The following UNC5A variants were observed in gnomAD, a reference collection of about 807,000 sequenced individuals.
The protein encoded by UNC5A is netrin receptor UNC5A.
In UNC5A, 20 loss-of-function variants were observed where a neutral mutation model predicts 87.4. That is an observed-to-expected ratio of 0.23 (90% CI 0.16 to 0.33). The LOEUF (loss-of-function observed/expected upper bound fraction) is 0.33, where lower values mean the gene tolerates loss of function less well. UNC5A is among the 10% of genes least tolerant of loss of function. The pLI, the probability that UNC5A is intolerant of heterozygous loss-of-function variation, is 1.00. For synonymous variants in UNC5A, 438 were observed against 482.3 expected, an observed-to-expected ratio of 0.91 and a Z score of 1.20; for missense variants, 844 against 1,133.4, an observed-to-expected ratio of 0.74 and a Z score of 3.67.
chr5:176,837,041 T>C (rs1230039695), intron 1 of UNC5A, among the ~76,000 whole-genome samples: 1 of 152,188 alleles, frequency 6.6e-6, no homozygotes, highest in African/African-American at 2.4e-5. Context: ...TAGGAACAAC[T>C]TGTCCCTGTC....
At chr5:176,815,765 C>A (rs1295922404) in intron 1 of UNC5A, among the ~76,000 whole-genome samples, 1 of 152,190 alleles carries the variant, frequency 6.6e-6, no homozygotes, top group Non-Finnish European at 1.5e-5. Context: ...TTCCCACTGA[C>A]CCAGGCCCAG....
Position 176,874,101 on chromosome 5 carries a change from C to G in UNC5A, c.1020C>G (p.Asp340Glu), listed in dbSNP as rs770262371. The part of the protein sequence containing the change: ...KKEGLDSDVA[D>E]SSILTSGFQP... The stretch of plus-strand genomic sequence containing the variant: ...AGGGGCTGGACTCAGATGTGGCTGA[C>G]TCGTCCATTCTCACCTCAGGCTTCC... The change falls in exon 7 of 15, where the codon GAC becomes GAG. Residue 340 changes from aspartate (D) to glutamate (E), a missense_variant. Physicochemically the swap from Asp to Glu is conservative, Grantham distance 45. Around this residue, in one of 3 missense-constraint regions of UNC5A, gnomAD observed 353 missense variants for 387.5 expected, o/e 0.91. Coordinates refer to ENST00000329542, the MANE Select transcript of UNC5A (RefSeq NM_133369.3). This position sits in a 1 kb window ranked among gnomAD's most constrained non-coding sequence, Gnocchi z 7.6. 1 of 1,614,042 alleles carries G rather than the reference C, an allele frequency of 6.2e-7. No homozygotes were observed. The highest frequency in any genetic ancestry group is 8.5e-7 in the Non-Finnish European group (1 of 1,179,974).
rs1757279472 is a variant in UNC5A, at chr5:176,841,661, C to G, written c.71-20963C>G. On this transcript the variant is annotated intron_variant, in intron 1 of 14. Transcript: ENST00000329542. This position sits in a 1 kb window ranked among gnomAD's most constrained non-coding sequence, Gnocchi z 4.1. The stretch of plus-strand genomic sequence containing the variant: ...AATTAAACATGTGCTTACCATATGC[C>G]CCAGCAATCCCTCTCTCTAGAGAAG... Among the ~76,000 whole-genome samples, 1 of 152,104 alleles carries G rather than the reference C, an allele frequency of 6.6e-6. No individual in the cohort carries two copies. Among genetic ancestry groups the G allele is most frequent in the Non-Finnish European group, 1.5e-5 (1 of 68,020 alleles).
chr5:176,846,785 G>A (rs952834938), intron 1 of UNC5A, among the ~76,000 whole-genome samples: 1 of 152,220 alleles, frequency 6.6e-6, no homozygotes, highest in Admixed American at 6.5e-5. Flanking sequence ...GAGGACAGCA[G>A]GGAGAGCAGC....
chr5:176,843,452 G>A (rs937755626), intron 1 of UNC5A, among the ~76,000 whole-genome samples: 2 of 152,214 alleles, frequency 1.3e-5, no homozygotes, highest in East Asian at 3.9e-4. Flanking sequence ...GTTGGGAGGG[G>A]GGATTGGTGC....
chr5:176,851,624 G>A (rs1425469044), intron 1 of UNC5A, among the ~76,000 whole-genome samples: 1 of 152,220 alleles, frequency 6.6e-6, no homozygotes, highest in South Asian at 2.1e-4. Flanking sequence ...TGGCCATGGC[G>A]GGCTGCAGCC....
chr5:176,824,686 T>A lies in UNC5A; in HGVS notation c.70+13866T>A, dbSNP rs566964494. ...TGGGTGGCTGGGGCTGGAACCTGGA[T>A]GCCACTTTGGCAGATGAACACCCCC... On this transcript the variant is annotated intron_variant, in intron 1 of 14. Coordinates refer to ENST00000329542, the MANE Select transcript of UNC5A (RefSeq NM_133369.3). This position sits in a 1 kb window ranked among gnomAD's most constrained non-coding sequence, Gnocchi z 4.2. Among the ~76,000 whole-genome samples the A allele has an allele frequency of 2.6e-5, 4 of 152,326 alleles. No individual in the cohort carries two copies. In the East Asian group the frequency reaches 7.7e-4, roughly 29 times the overall value.
chr5:176,837,514 A>G (rs1304720247), intron 1 of UNC5A, among the ~76,000 whole-genome samples: 1 of 152,126 alleles, frequency 6.6e-6, no homozygotes, highest in Non-Finnish European at 1.5e-5. Flanking sequence ...TGGGTACCCG[A>G]GGCCAGATGG....
intron 1 of UNC5A, among the ~76,000 whole-genome samples, chr5:176,831,841 T>C (rs919429452): frequency 1.3e-5 from 2 of 150,804 alleles, no homozygotes; most frequent in South Asian, 4.2e-4. Context: ...GTACCAACCT[T>C]ATTTTCTCCT....
intron 2 of UNC5A, chr5:176,864,732 G>C: frequency 4.7e-6 from 2 of 422,218 alleles, no homozygotes; most frequent in African/African-American, 2.0e-5. Context: ...TGTTCGCTGA[G>C]CACCTGCTCT....
chr5:176,841,298 C>T lies in UNC5A; in HGVS notation c.71-21326C>T, dbSNP rs1009391990. On this transcript the variant is annotated intron_variant, in intron 1 of 14. Transcript: ENST00000329542. This position sits in a 1 kb window ranked among gnomAD's most constrained non-coding sequence, Gnocchi z 4.1. ...CAGAGCTGTGCCAGAGTGAGCCAGC[C>T]AGAGGTGAAGCGGGGACTCAGACTC... is the stretch of plus-strand genomic sequence containing the variant. Among the ~76,000 whole-genome samples, 19 of 152,156 alleles carry T rather than the reference C, an allele frequency of 1.2e-4. No homozygotes were observed. The highest frequency in any genetic ancestry group is 4.3e-4 in the African/African-American group (18 of 41,424).
intron 1 of UNC5A, among the ~76,000 whole-genome samples, chr5:176,826,930 C>T (rs1009935785): frequency 4.6e-5 from 7 of 151,958 alleles, no homozygotes; most frequent in African/African-American, 9.7e-5. Context: ...TGAGCCACCG[C>T]GCCCGGCCCA....
Position 176,875,425 on chromosome 5 carries a change from C to T in UNC5A, c.1378+859C>T, listed in dbSNP as rs888287381. On this transcript the variant is annotated intron_variant, in intron 8 of 14. Coordinates refer to ENST00000329542, the MANE Select transcript of UNC5A (RefSeq NM_133369.3). This position sits in a 1 kb window ranked among gnomAD's most constrained non-coding sequence, Gnocchi z 5.2. ...TCACGGATCGTCTAGTTGCTCAAGC[C>T]GGAAACTTGGGGTCACCTTGACCTG... Among the ~76,000 whole-genome samples the T allele has an allele frequency of 1.6e-4, 25 of 152,136 alleles. No individual in the cohort carries two copies. The highest frequency in any genetic ancestry group is 3.9e-4 in the Admixed American group (6 of 15,286).
At chr5:176,851,931 C>T (rs1326544326) in intron 1 of UNC5A, among the ~76,000 whole-genome samples, 1 of 152,202 alleles carries the variant, frequency 6.6e-6, no homozygotes, top group African/African-American at 2.4e-5. Flanking sequence ...GTCGGGTGAT[C>T]TGCCCCGGCT....
At chr5:176,816,269 G>C (rs1386496235) in intron 1 of UNC5A, among the ~76,000 whole-genome samples, 3 of 152,264 alleles carry the variant, frequency 2.0e-5, no homozygotes, top group Non-Finnish European at 4.4e-5. Context: ...GGTGGCTGCT[G>C]GGGCAGAGCC....
chr5:176,873,481 T>C (rs1352391499), intron 6 of UNC5A, among the ~76,000 whole-genome samples: 4 of 152,096 alleles, frequency 2.6e-5, no homozygotes, highest in African/African-American at 9.7e-5. Flanking sequence ...TCCCCAGACC[T>C]GCCCCAGGCC....
In UNC5A at chr5:176,836,158, T is replaced by C. The variant is rs532166763; in HGVS notation, c.70+25338T>C. Among the ~76,000 whole-genome samples, 62 of 152,176 alleles carry C rather than the reference T, an allele frequency of 4.1e-4. 1 individual carries two copies. The highest frequency in any genetic ancestry group is 1.5e-3 in the African/African-American group (61 of 41,524). Reference sequence around the variant, plus strand: ...CCAGCAGGCTTTAGTCTGGGGAGAATGATATGGACGAAGTCTGGGGGAAGG... The same window carrying C: ...CCAGCAGGCTTTAGTCTGGGGAGAACGATATGGACGAAGTCTGGGGGAAGG... On this transcript the variant is annotated intron_variant, in intron 1 of 14. Coordinates refer to ENST00000329542, the MANE Select transcript of UNC5A (RefSeq NM_133369.3).
At chr5:176,868,995 G>A (rs1262515173) in intron 5 of UNC5A, 31 bp downstream of exon 5, 4 of 1,570,692 alleles carry the variant, frequency 2.5e-6, no homozygotes, top group African/African-American at 2.7e-5. Context: ...GTCACAGGGA[G>A]AGGCACTGCG....
chr5:176,838,830 A>T lies in UNC5A; in HGVS notation c.71-23794A>T, dbSNP rs7734818. Among the ~76,000 whole-genome samples the T allele has an allele frequency of 6.6e-6, 1 of 152,216 alleles. No homozygotes were observed. The highest frequency in any genetic ancestry group is 6.5e-5 in the Admixed American group (1 of 15,284). Reference sequence around the variant, plus strand: ...ACCTCAGTGGCTGGCCCACATGCCCATCTCAAACCAATCACCAGAGCCAGG... The same window carrying T: ...ACCTCAGTGGCTGGCCCACATGCCCTTCTCAAACCAATCACCAGAGCCAGG... On this transcript the variant is annotated intron_variant, in intron 1 of 14. Transcript: ENST00000329542. The surrounding 1 kb of genome is among the most constrained non-coding windows in gnomAD (Gnocchi z 4.2).
Sources: gnomAD v4.1 joint callset for allele counts (sites outside exome capture counted in the v4.1 genomes callset) on GRCh38, gnomAD v4.1.1 for gene constraint, gnomAD v4.1.1 regional missense constraint, Gnocchi (gnomAD v3.1) non-coding constraint, MANE v1.5 for transcripts, NCBI Gene and HGNC (gene_info 2026-07-23, HGNC 2026-07-21) for gene names.